CISTR: variants seen among roughly 807,000 people sequenced by gnomAD.
CISTR encodes chondrogenic regulator lncRNA.
chr12:53,754,237 T>C (rs1937890515), intron 1 of CISTR: 1 of 152,206 alleles, frequency 6.6e-6, no homozygotes, highest in African/African-American at 2.4e-5. Flanking sequence ...TTATCTAGTC[T>C]AGACTTTCAC....
chr12:53,747,967 C>G (rs1593109421), intron 2 of CISTR, among the ~76,000 whole-genome samples: 1 of 152,174 alleles, frequency 6.6e-6, no homozygotes, highest in African/African-American at 2.4e-5. Flanking sequence ...CTTCCCACCT[C>G]TCCTCATTCC....
rs566447628 is a variant in CISTR, at chr12:53,755,025, G to A, written n.414+1789C>T. Among the ~76,000 whole-genome samples the A allele has an allele frequency of 2.0e-5, 3 of 152,318 alleles. No individual in the cohort carries two copies. In the South Asian group the frequency reaches 6.2e-4, roughly 32 times the overall value. ...TGCGTCCAAATAATGGACACGAGGT[G>A]CAGAGAGGTTAAGATAAAACAGGAG... On this transcript the variant is annotated intron_variant and non_coding_transcript_variant, in intron 1 of 2. Transcript: ENST00000669269.
intron 1 of CISTR, among the ~76,000 whole-genome samples, chr12:53,752,978 C>T (rs1937873362): frequency 6.6e-6 from 1 of 151,894 alleles, no homozygotes; most frequent in Non-Finnish European, 1.5e-5. Context: ...TCCAGCTCCC[C>T]CAAGACTCCT....
At position 53,751,962 on chromosome 12, in the gene CISTR, C is replaced by T. The variant is rs997907291; in HGVS notation, n.415-997G>A. ...CCTCTTTTTGCCGCAGTCTCCGTCTCTCTTCCACAGGGTCTCTCCCTCCCC... is the reference window on the plus strand; with the variant it reads ...CCTCTTTTTGCCGCAGTCTCCGTCTTTCTTCCACAGGGTCTCTCCCTCCCC... On this transcript the variant is annotated intron_variant and non_coding_transcript_variant, in intron 1 of 2. Coordinates refer to ENST00000669269, the Ensembl canonical transcript of CISTR. This position sits in a 1 kb window ranked among gnomAD's most constrained non-coding sequence, Gnocchi z 4.6. The T allele has an allele frequency of 6.5e-6, 1 of 153,238 alleles. No homozygotes were observed. The highest frequency in any genetic ancestry group is 1.5e-5 in the Non-Finnish European group (1 of 68,520). The allele number at this position is 153,238 out of a possible 1,614,324, so 9.5% of individuals were successfully genotyped here. A position where few individuals can be genotyped will look rare whatever the true frequency, so the allele number is the denominator to read the frequency against.
chr12:53,749,443 C>A (rs775679061), intron 2 of CISTR, among the ~76,000 whole-genome samples: 15 of 151,838 alleles, frequency 9.9e-5, no homozygotes, highest in African/African-American at 3.6e-4. Flanking sequence ...GGCAGGGCAC[C>A]TATCTACCTG....
Position 53,755,340 on chromosome 12 carries a change from T to TGTGTGG in CISTR, n.414+1473_414+1474insCCACAC, listed in dbSNP as rs1937903305. Among the ~76,000 whole-genome samples the TGTGTGG allele has an allele frequency of 6.0e-5, 9 of 149,502 alleles. No homozygotes were observed. In the South Asian group the frequency reaches 1.9e-3, roughly 31 times the overall value. ...GTGTGTGTGTGTGTGTGTGTGTGTG[T>TGTGTGG]GTGGTAGGAAATGTGTTGTTGGAGA... is the stretch of plus-strand genomic sequence containing the variant. On this transcript the variant is annotated intron_variant and non_coding_transcript_variant, in intron 1 of 2. Transcript: ENST00000669269.
rs554650450 is a variant in CISTR at position 53,749,610 on chromosome 12, C to T, written n.1063+707G>A. ...TACAAAGAACCTATTCCAATGCATGCTATCTCCTTTAACATAGCAGGTTTC... is the reference window on the plus strand; with the variant it reads ...TACAAAGAACCTATTCCAATGCATGTTATCTCCTTTAACATAGCAGGTTTC... On this transcript the variant is annotated intron_variant and non_coding_transcript_variant, in intron 2 of 2. Coordinates refer to ENST00000669269, the Ensembl canonical transcript of CISTR. Among the ~76,000 whole-genome samples, 4 of 152,056 alleles carry T rather than the reference C, an allele frequency of 2.6e-5. 1 individual carries two copies. The South Asian group carries it at 8.3e-4, about 32-fold the overall frequency.
At chr12:53,755,726 T>C (rs1178157129) in intron 1 of CISTR, 1 of 152,382 alleles carries the variant, frequency 6.6e-6, no homozygotes, top group African/African-American at 2.4e-5. Context: ...CTCTCTACGC[T>C]CTTTGCCCAT....
chr12:53,749,051 T>C (rs1937815366), intron 2 of CISTR, among the ~76,000 whole-genome samples: 1 of 151,806 alleles, frequency 6.6e-6, no homozygotes, highest in South Asian at 2.1e-4. Flanking sequence ...TGTCTGGTGC[T>C]GAACCAGACA....
chr12:53,756,586 G>A lies in CISTR; in HGVS notation n.414+228C>T, dbSNP rs1005716784. On this transcript the variant is annotated intron_variant and non_coding_transcript_variant, in intron 1 of 2. Coordinates refer to ENST00000669269, the Ensembl canonical transcript of CISTR. The surrounding 1 kb of genome is among the most constrained non-coding windows in gnomAD (Gnocchi z 4.0). ...TTCAGGTTTCAGATGAGGAAATGGA[G>A]GCCTTGGAGAGGGCAGGTAACCTGC... Among the ~76,000 whole-genome samples, 1 of 152,198 alleles carries A rather than the reference G, an allele frequency of 6.6e-6. No individual in the cohort carries two copies. The highest frequency in any genetic ancestry group is 1.5e-5 in the Non-Finnish European group (1 of 68,044).
At chr12:53,755,308 G>GGGGTGTGTGTGT (rs1555168465) in intron 1 of CISTR, among the ~76,000 whole-genome samples, 1 of 147,150 alleles carries the variant, frequency 6.8e-6, no homozygotes, top group Non-Finnish European at 1.5e-5. Context: ...TCCTGTTTGG[G>GGGGTGTGTGTGT]GTGTGTGTGT....
At chr12:53,747,349 C>T (rs1459419001) in intron 2 of CISTR, among the ~76,000 whole-genome samples, 1 of 152,156 alleles carries the variant, frequency 6.6e-6, no homozygotes, top group Non-Finnish European at 1.5e-5. Context: ...GGAATCCCCT[C>T]CCACCCACCA....
intron 2 of CISTR, among the ~76,000 whole-genome samples, chr12:53,748,983 G>T (rs1245237228): frequency 6.6e-6 from 1 of 151,928 alleles, no homozygotes; most frequent in East Asian, 1.9e-4. Context: ...GTGTGTGTGT[G>T]TTGTGTGTGT....
At chr12:53,755,847 C>A (rs1164006587) in intron 1 of CISTR, 1 of 152,514 alleles carries the variant, frequency 6.6e-6, no homozygotes, top group Non-Finnish European at 1.5e-5. Context: ...CACCAGCTGT[C>A]TTCATCTTGC....
rs954767621 is a variant in CISTR at position 53,751,771 on chromosome 12, T to G, written n.415-806A>C. 1 of 152,436 alleles carries G rather than the reference T, an allele frequency of 6.6e-6. No individual in the cohort carries two copies. 9.4% of individuals were successfully genotyped at this position (152,436 alleles called of 1,614,324 possible). The stretch of plus-strand genomic sequence containing the variant: ...CTTCCGCATTTCTGCACCATCCACC[T>G]GCCTTTTTCAGTGTCCTTGAGATGA... On this transcript the variant is annotated intron_variant and non_coding_transcript_variant, in intron 1 of 2. Coordinates refer to ENST00000669269, the Ensembl canonical transcript of CISTR. The surrounding 1 kb of genome is among the most constrained non-coding windows in gnomAD (Gnocchi z 4.6).
At chr12:53,748,374 C>A (rs550083125) in intron 2 of CISTR, among the ~76,000 whole-genome samples, 2 of 152,060 alleles carry the variant, frequency 1.3e-5, no homozygotes, top group Non-Finnish European at 1.5e-5. Context: ...GACACACAGA[C>A]AGGGACAGAA....
intron 1 of CISTR, among the ~76,000 whole-genome samples, chr12:53,755,027 A>G (rs982014917): frequency 6.6e-6 from 1 of 152,190 alleles, no homozygotes; most frequent in African/African-American, 2.4e-5. Context: ...CACGAGGTGC[A>G]GAGAGGTTAA....
At chr12:53,752,383 T>A (rs988634562) in intron 1 of CISTR, among the ~76,000 whole-genome samples, 1 of 152,186 alleles carries the variant, frequency 6.6e-6, no homozygotes, top group African/African-American at 2.4e-5. Flanking sequence ...GCCCTCCGGC[T>A]CTGCCGGGAC....
intron 2 of CISTR, among the ~76,000 whole-genome samples, chr12:53,750,280 C>G (rs887122966): frequency 6.6e-6 from 1 of 152,182 alleles, no homozygotes; most frequent in African/African-American, 2.4e-5. Context: ...AGAAACCCAA[C>G]AGGGCATGCA....
Sources: gnomAD v4.1 joint callset for allele counts (sites outside exome capture counted in the v4.1 genomes callset) on GRCh38, gnomAD v4.1.1 for gene constraint, Gnocchi (gnomAD v3.1) non-coding constraint, MANE v1.5 for transcripts, NCBI Gene and HGNC (gene_info 2026-07-23, HGNC 2026-07-21) for gene names.